Variants in ADAMTS12 observed in about 807,000 individuals in gnomAD.
ADAMTS12 encodes the protein ADAM metallopeptidase with thrombospondin type 1 motif 12.
In ADAMTS12, 118 loss-of-function variants were observed where a neutral mutation model predicts 167.8. The observed-to-expected ratio is 0.70, with a 90% CI of 0.61 to 0.82. The LOEUF (loss-of-function observed/expected upper bound fraction) is 0.82, where lower values mean the gene tolerates loss of function less well. Among genes scored for constraint, ADAMTS12 ranks in the 40% least tolerant of loss-of-function variants. The probability of loss-of-function intolerance (pLI) is 0.00; values close to 1 mark genes in which losing one functional copy is unlikely to be tolerated. For synonymous variants in ADAMTS12, 704 were observed against 716.9 expected, an observed-to-expected ratio of 0.98 and a Z score of 0.29; for missense variants, 1,916 against 1,998.8, an observed-to-expected ratio of 0.96 and a Z score of 0.79.
At chr5:33,641,473 T>G (rs13355124) in intron 11 of ADAMTS12, among the ~76,000 whole-genome samples, 86,264 of 152,020 alleles carry the variant, frequency 0.57, 25,070 homozygotes, top group East Asian at 0.67. Context: ...CTGATAAAAT[T>G]GAGTTATTTA....
At chr5:33,736,437 T>G (rs1744378282) in intron 3 of ADAMTS12, among the ~76,000 whole-genome samples, 1 of 152,262 alleles carries the variant, frequency 6.6e-6, no homozygotes, top group African/African-American at 2.4e-5. Flanking sequence ...GGTACTAAGG[T>G]TATTTTATAT....
chr5:33,850,468 T>C lies in ADAMTS12; in HGVS notation c.489+30651A>G, dbSNP rs1381899990. On this transcript the variant is annotated intron_variant, in intron 2 of 23. Transcript: ENST00000504830. ...TCAGCCCCTTTTACAATCTCAGAGC[T>C]AACATGCCCAAAGTTACAGAGCTAA... 2.0e-5 allele frequency among the ~76,000 whole-genome samples: 3 copies of C among 152,112 alleles called. No homozygotes were observed. In the East Asian group the frequency reaches 5.8e-4, roughly 29 times the overall value.
At position 33,525,076 on chromosome 5, in the gene ADAMTS12, G is replaced by A. The variant is rs1410855690; in HGVS notation, c.*2112C>T. 2.6e-5 allele frequency: 4 copies of A among 152,154 alleles called. No homozygotes were observed. In the East Asian group the frequency reaches 7.7e-4, roughly 29 times the overall value. The allele number at this position is 152,154 out of a possible 1,614,324, so 9.4% of individuals were successfully genotyped here. On this transcript the variant is annotated 3_prime_UTR_variant, in exon 24 of 24. Transcript: ENST00000504830. ...TTGACCCTATGCTAGTACAGTACCA[G>A]GTTAAATCAATCTAGCTTACTAAAT...
At chr5:33,738,680 T>C (rs1409013427) in intron 3 of ADAMTS12, among the ~76,000 whole-genome samples, 1 of 152,230 alleles carries the variant, frequency 6.6e-6, no homozygotes, top group African/African-American at 2.4e-5. Flanking sequence ...AAACTCGCTA[T>C]GTTGGTCAGT....
At chr5:33,787,875 C>G (rs566450065) in intron 2 of ADAMTS12, among the ~76,000 whole-genome samples, 12 of 150,198 alleles carry the variant, frequency 8.0e-5, no homozygotes, top group Admixed American at 7.9e-4. Flanking sequence ...TCTCGTGACT[C>G]TTCCACACAT....
At chr5:33,667,119 T>G (rs183313004) in intron 5 of ADAMTS12, among the ~76,000 whole-genome samples, 1 of 152,184 alleles carries the variant, frequency 6.6e-6, no homozygotes, top group East Asian at 1.9e-4. Flanking sequence ...CACATAAAAC[T>G]TAAAGAGTTT....
At chr5:33,787,370 C>T (rs564358207) in intron 2 of ADAMTS12, among the ~76,000 whole-genome samples, 5 of 152,338 alleles carry the variant, frequency 3.3e-5, no homozygotes, top group African/African-American at 1.2e-4. Context: ...GGGCCACTGT[C>T]CACTTTTCGA....
intron 16 of ADAMTS12, among the ~76,000 whole-genome samples, chr5:33,610,136 G>C (rs899398752): frequency 2.0e-5 from 3 of 152,180 alleles, no homozygotes; most frequent in Admixed American, 2.0e-4. Context: ...AGCCGAGATT[G>C]AGCCATTGTG....
intron 3 of ADAMTS12, among the ~76,000 whole-genome samples, chr5:33,700,229 T>C (rs1421395665): frequency 1.3e-5 from 2 of 152,344 alleles, no homozygotes; most frequent in African/African-American, 2.4e-5. Flanking sequence ...TGGAGACTTA[T>C]GTCCACATAA....
At chr5:33,855,939 G>C (rs1444032100) in intron 2 of ADAMTS12, among the ~76,000 whole-genome samples, 1 of 152,090 alleles carries the variant, frequency 6.6e-6, no homozygotes, top group East Asian at 1.9e-4. Flanking sequence ...ACTACGTTGT[G>C]TAGGTTTGTC....
intron 3 of ADAMTS12, among the ~76,000 whole-genome samples, chr5:33,730,407 A>T (rs1744154440): frequency 6.6e-6 from 1 of 151,522 alleles, no homozygotes; most frequent in African/African-American, 2.4e-5. Context: ...TGGAGGCAGG[A>T]GGGGCCACAA....
At chr5:33,583,645 C>T (rs1747190032) in intron 18 of ADAMTS12, among the ~76,000 whole-genome samples, 2 of 152,212 alleles carry the variant, frequency 1.3e-5, no homozygotes, top group Non-Finnish European at 2.9e-5. Flanking sequence ...CACATCCTCA[C>T]CAGCATTTGC....
chr5:33,821,114 G>T (rs2112502200), intron 2 of ADAMTS12, among the ~76,000 whole-genome samples: 1 of 152,246 alleles, frequency 6.6e-6, no homozygotes, highest in South Asian at 2.1e-4. Flanking sequence ...TTGTACCACA[G>T]AACCTAAAAG....
intron 2 of ADAMTS12, among the ~76,000 whole-genome samples, chr5:33,782,084 G>A (rs544268387): frequency 7.2e-5 from 11 of 151,766 alleles, no homozygotes; most frequent in South Asian, 2.1e-4. Context: ...GATCTGAAAT[G>A]ACAAATATAA....
intron 16 of ADAMTS12, among the ~76,000 whole-genome samples, chr5:33,599,113 C>T (rs1363725313): frequency 2.6e-5 from 4 of 152,188 alleles, no homozygotes; most frequent in Non-Finnish European, 5.9e-5. Flanking sequence ...GCATTTGAGT[C>T]TTCCTAGCCA....
At chr5:33,602,058 C>G (rs1265133236) in intron 16 of ADAMTS12, among the ~76,000 whole-genome samples, 1 of 152,154 alleles carries the variant, frequency 6.6e-6, no homozygotes, top group Non-Finnish European at 1.5e-5. Context: ...CCTCACAGCT[C>G]TCATGGGTTA....
chr5:33,701,766 CAA>C (rs1468440937), intron 3 of ADAMTS12, among the ~76,000 whole-genome samples: 4 of 152,158 alleles, frequency 2.6e-5, no homozygotes, highest in African/African-American at 9.7e-5. Flanking sequence ...CCTCGTCTCC[CAA>C]GTGTTTTGCA....
Position 33,588,852 on chromosome 5 carries a change from C to G in ADAMTS12, c.2655-43G>C, listed in dbSNP as rs570498983. 1.1e-5 allele frequency: 17 copies of G among 1,602,158 alleles called. No individual in the cohort carries two copies. The South Asian group carries it at 1.3e-4, about 12-fold the overall frequency. ...TATGTGAGAGAAGATCGCCAACTTA[C>G]GCATATGTTCCATTCAACCACTGAG... On this transcript the variant is annotated intron_variant, in intron 17 of 23. Coordinates refer to ENST00000504830, the MANE Select transcript of ADAMTS12 (RefSeq NM_030955.4).
chr5:33,527,252 G>C lies in ADAMTS12; in HGVS notation c.4721C>G (p.Thr1574Arg). 2 of 1,614,062 alleles carry C rather than the reference G, an allele frequency of 1.2e-6. No homozygotes were observed. Among genetic ancestry groups the C allele is most frequent in the Non-Finnish European group, 1.7e-6 (2 of 1,180,006 alleles). ...TTGCCTTTGGGTGTGTGTGATGTGTGTCTGGGGACACGAGAAGCAGCACTC... is the reference window on the plus strand; with the variant it reads ...TTGCCTTTGGGTGTGTGTGATGTGTCTCTGGGGACACGAGAAGCAGCACTC... The part of the protein sequence containing the change: ...RAECCFSCPQ[T>R]HITHTQRQRR... Residue 1574 changes from threonine to arginine, a missense_variant, in exon 24 of 24, where the codon ACA becomes AGA. Transcript: ENST00000504830.
Sources: allele counts gnomAD v4.1 joint callset (sites outside exome capture counted in the v4.1 genomes callset), GRCh38; gene constraint gnomAD v4.1.1; transcripts MANE v1.5; gene names NCBI Gene and HGNC (gene_info 2026-07-23, HGNC 2026-07-21).